Variants in VPS26A observed in about 807,000 individuals in gnomAD.
VPS26A encodes the protein VPS26 retromer complex component A, also known as vacuolar protein sorting-associated protein 26A.
VPS26A carries 22 observed loss-of-function variants against 42.4 expected under a neutral mutation model. The ratio of observed to expected loss-of-function variants is 0.52; its 90% CI spans 0.37 to 0.74. The LOEUF (loss-of-function observed/expected upper bound fraction) is 0.74, where lower values mean the gene tolerates loss of function less well. Ranked by LOEUF, VPS26A falls within the 30% of genes least tolerant of loss-of-function variation. The pLI, the probability that VPS26A is intolerant of heterozygous loss-of-function variation, is 0.00. For synonymous variants in VPS26A, 110 were observed against 123.5 expected (o/e 0.89, Z 0.73); for missense variants, 276 against 379.2 (o/e 0.73, Z 2.26).
At chr10:69,147,582 G>A (rs1180137940) in intron 2 of VPS26A, among the ~76,000 whole-genome samples, 1 of 152,126 alleles carries the variant, frequency 6.6e-6, no homozygotes, top group Non-Finnish European at 1.5e-5. Flanking sequence ...GTTAATATTT[G>A]TGATGGCGTG....
intron 2 of VPS26A, among the ~76,000 whole-genome samples, chr10:69,144,660 T>C (rs185943105): frequency 4.7e-4 from 72 of 152,250 alleles, no homozygotes; most frequent in African/African-American, 1.7e-3. Flanking sequence ...GATGTACCAA[T>C]GTTTGTTTAT....
In VPS26A at chr10:69,172,430, G is replaced by A. The variant is rs1397561309; in HGVS notation, c.*1161G>A. The A allele has an allele frequency of 6.6e-6, 1 of 152,402 alleles. No individual in the cohort carries two copies. Among genetic ancestry groups the A allele is most frequent in the Non-Finnish European group, 1.5e-5 (1 of 68,030 alleles). The allele number at this position is 152,402 out of a possible 1,614,324, so 9.4% of individuals were successfully genotyped here. ...GAGTGTAGGAACCAAAATGAAACCT[G>A]CTGTATGGAAACTACTTTCACTTAT... On this transcript the variant is annotated 3_prime_UTR_variant, in exon 9 of 9. Transcript: ENST00000263559.
At chr10:69,164,932 G>GT (rs71487441) in intron 6 of VPS26A, among the ~76,000 whole-genome samples, 23,106 of 141,218 alleles carry the variant, frequency 0.16, 2,448 homozygotes, top group Non-Finnish European at 0.24. Flanking sequence ...ATTGTTGGGT[G>GT]TTTTTTTTTT....
chr10:69,125,182 G>T (rs1423180016), intron 1 of VPS26A, among the ~76,000 whole-genome samples: 2 of 152,122 alleles, frequency 1.3e-5, no homozygotes, highest in African/African-American at 2.4e-5. Context: ...TCAATAGACT[G>T]CTTGAGACTT....
At chr10:69,154,668 G>T (rs1195529864) in intron 2 of VPS26A, among the ~76,000 whole-genome samples, 1 of 152,154 alleles carries the variant, frequency 6.6e-6, no homozygotes, top group Non-Finnish European at 1.5e-5. Flanking sequence ...TTTGAGACCA[G>T]CTTGGGCAAT....
intron 2 of VPS26A, among the ~76,000 whole-genome samples, chr10:69,137,036 C>T (rs920913054): frequency 6.6e-5 from 10 of 151,986 alleles, no homozygotes; most frequent in Non-Finnish European, 8.8e-5. Context: ...GTGATCCGCC[C>T]GCCTCAGCCT....
chr10:69,131,724 C>T (rs1418042592), intron 1 of VPS26A, among the ~76,000 whole-genome samples: 3 of 151,100 alleles, frequency 2.0e-5, no homozygotes, highest in African/African-American at 7.4e-5. Context: ...CAGAGCAAGA[C>T]TCTGTCTCAA....
intron 7 of VPS26A, 60 bp from the exon 8 acceptor site, chr10:69,168,429 C>A: frequency 3.2e-6 from 5 of 1,554,558 alleles, no homozygotes; most frequent in Non-Finnish European, 3.5e-6. Flanking sequence ...CTTAGTCCTA[C>A]CTGTTATGTG....
chr10:69,133,511 G>A (rs1365057381), intron 2 of VPS26A: 2 of 1,259,434 alleles, frequency 1.6e-6, no homozygotes, highest in Non-Finnish European at 2.1e-6. Context: ...CTACTATTGT[G>A]TCTGTTGATC....
rs551583478 is a variant in VPS26A, at chr10:69,132,998, A to G, written c.104A>G (p.Lys35Arg). 8 of 1,613,068 alleles carry G rather than the reference A, an allele frequency of 5.0e-6. No individual in the cohort carries two copies. The highest frequency in any genetic ancestry group is 1.7e-4 in the Middle Eastern group (1 of 6,050). The change falls in exon 2 of 9, where the codon AAA becomes AGA. Residue 35 changes from lysine (K) to arginine (R), a missense_variant. Transcript: ENST00000263559. ...KMAEMKTEDGKVEKHYLFYDG... is the reference protein window; with the variant it reads ...KMAEMKTEDGRVEKHYLFYDG... ...GCAGAAATGAAAACTGAAGATGGCA[A>G]AGTAGAAAAACACTATCTCTTCTAT... is the stretch of plus-strand genomic sequence containing the variant.
In VPS26A at chr10:69,173,420, A is replaced by G. The variant is rs1841860742; in HGVS notation, c.*2151A>G. Among the ~76,000 whole-genome samples, 1 of 152,188 alleles carries G rather than the reference A, an allele frequency of 6.6e-6. No homozygotes were observed. Among genetic ancestry groups the G allele is most frequent in the South Asian group, 2.1e-4 (1 of 4,830 alleles). On this transcript the variant is annotated 3_prime_UTR_variant, in exon 9 of 9. Transcript: ENST00000263559. ...AGGCGGAAGGATCACCTGGAATTCGAGACCAGCCTGGCCAACAAAAATGAG... is the reference window on the plus strand; with the variant it reads ...AGGCGGAAGGATCACCTGGAATTCGGGACCAGCCTGGCCAACAAAAATGAG...
intron 2 of VPS26A, among the ~76,000 whole-genome samples, chr10:69,146,389 C>A (rs1337672930): frequency 1.3e-5 from 2 of 152,148 alleles, no homozygotes; most frequent in Non-Finnish European, 2.9e-5. Context: ...CTGGTCAACA[C>A]TTAATTCTTT....
chr10:69,172,362 CCATT>C lies in VPS26A; in HGVS notation c.*1097_*1100del, dbSNP rs1445042467. 2.0e-5 allele frequency: 3 copies of C among 152,184 alleles called. No homozygotes were observed. The highest frequency in any genetic ancestry group is 7.2e-5 in the African/African-American group (3 of 41,444). 9.4% of individuals were successfully genotyped at this position (152,184 alleles called of 1,614,324 possible). On this transcript the variant is annotated 3_prime_UTR_variant, in exon 9 of 9. Transcript: ENST00000263559. ...CTCTAAAAAAGAAGATTGCAGTCAT[CCATT>C]CATATGCATGGGGTCTGATCGCAAA...
chr10:69,155,683 T>TGTG (rs771704220), intron 2 of VPS26A, 129 bp from the exon 3 acceptor site: 8 of 703,860 alleles, frequency 1.1e-5, no homozygotes, highest in African/African-American at 3.6e-5. Context: ...GATTTAGGTA[T>TGTG]GTGGTGGTGT....
chr10:69,128,989 T>C (rs1320569368), intron 1 of VPS26A, among the ~76,000 whole-genome samples: 6 of 83,686 alleles, frequency 7.2e-5, no homozygotes, highest in Non-Finnish European at 1.3e-4. Flanking sequence ...AGAGTGAGAC[T>C]CTGTCTCAAA....
At chr10:69,151,264 C>CAAAAAAAAAAAA (rs1192297497) in intron 2 of VPS26A, among the ~76,000 whole-genome samples, 5 of 30,414 alleles carry the variant, frequency 1.6e-4, no homozygotes, top group African/African-American at 5.9e-4. Context: ...GACTCCATGT[C>CAAAAAAAAAAAA]AAAAAAAAAA....
chr10:69,127,727 C>CTTTTTTTTTTTTTTTTTT (rs572346560), intron 1 of VPS26A, among the ~76,000 whole-genome samples: 1 of 85,068 alleles, frequency 1.2e-5, no homozygotes, highest in African/African-American at 4.8e-5. Flanking sequence ...TTAAAAATAT[C>CTTTTTTTTTTTTTTTTTT]TTTTTTTTTT....
Position 69,166,038 on chromosome 10 carries a change from C to G in VPS26A, c.659-4C>G. ...AATTAATGTTATTTACATTATTGCA[C>G]TAGGACCCAGTACCACAACAGAAAC... On this transcript the variant is annotated splice_region_variant and splice_polypyrimidine_tract_variant and intron_variant, in intron 6 of 8. Coordinates refer to ENST00000263559, the MANE Select transcript of VPS26A (RefSeq NM_004896.5). The G allele has an allele frequency of 1.2e-6, 2 of 1,612,244 alleles. No homozygotes were observed. Among genetic ancestry groups the G allele is most frequent in the East Asian group, 2.2e-5 (1 of 44,826 alleles).
In VPS26A at chr10:69,142,413, C is replaced by T. The variant is rs566274779; in HGVS notation, c.153+9366C>T. Reference sequence around the variant, plus strand: ...CTTGTTGTGTTGCCCAGTCTGGTCTCAAACTCCTGGACTCAAGTGATTCCC... The same window carrying T: ...CTTGTTGTGTTGCCCAGTCTGGTCTTAAACTCCTGGACTCAAGTGATTCCC... On this transcript the variant is annotated intron_variant, in intron 2 of 8. Transcript: ENST00000263559. Among the ~76,000 whole-genome samples the T allele has an allele frequency of 7.9e-5, 12 of 151,476 alleles. No individual in the cohort carries two copies. The East Asian group carries it at 2.3e-3, about 29-fold the overall frequency.
Sources: allele counts gnomAD v4.1 joint callset (sites outside exome capture counted in the v4.1 genomes callset), GRCh38; gene constraint gnomAD v4.1.1; transcripts MANE v1.5; gene names NCBI Gene and HGNC (gene_info 2026-07-23, HGNC 2026-07-21).